The following DNAH5 variants were observed in gnomAD, a reference collection of about 807,000 sequenced individuals.
The protein encoded by DNAH5 is axonemal beta dynein heavy chain 5.
DNAH5 carries 372 observed loss-of-function variants against 518.2 expected under a neutral mutation model. That is an observed-to-expected ratio of 0.72 (90% CI 0.66 to 0.78). The LOEUF (loss-of-function observed/expected upper bound fraction) is 0.78. DNAH5 is among the 30% of genes least tolerant of loss of function. The pLI is 0.00. For missense variants in DNAH5, 5,523 were observed against 5,687.0 expected (o/e 0.97, Z 0.93); for synonymous variants, 2,039 against 2,025.9 (o/e 1.01, Z -0.17).
upstream of DNAH5, among the ~76,000 whole-genome samples, chr5:13,949,616 T>C (rs77745931): frequency 0.028 from 4,290 of 152,306 alleles, 90 homozygotes; most frequent in Non-Finnish European, 0.042. Context: ...AGCTGATGCA[T>C]TTAGAGTAAA....
chr5:13,750,185 A>G (rs778617328), intron 65 of DNAH5, among the ~76,000 whole-genome samples: 5 of 152,188 alleles, frequency 3.3e-5, no homozygotes, highest in African/African-American at 4.8e-5. Context: ...ACAGACCCCA[A>G]AGACTTTGCT....
In DNAH5 at chr5:13,867,787, A is replaced by G; in HGVS notation, c.4040T>C (p.Leu1347Pro). ...VFLQDCHQFY[L>P]DYDLNGPMAS... Reference sequence around the variant, plus strand: ...CCAGAGACATACCAAATCATAGTCCAGATAAAACTGGTGACAATCTTGGAG... The same window carrying G: ...CCAGAGACATACCAAATCATAGTCCGGATAAAACTGGTGACAATCTTGGAG... Residue 1347 changes from leucine to proline, a missense_variant, in exon 25 of 79, where the codon CTG becomes CCG. Leu to Pro is a moderately conservative substitution (Grantham distance 98, BLOSUM62 -3). Transcript: ENST00000265104. 2 of 1,613,758 alleles carry G rather than the reference A, an allele frequency of 1.2e-6. No homozygotes were observed. Among genetic ancestry groups the G allele is most frequent in the African/African-American group, 1.3e-5 (1 of 75,042 alleles).
At chr5:13,740,082 GC>G in intron 65 of DNAH5, among the ~76,000 whole-genome samples, 1 of 152,050 alleles carries the variant, frequency 6.6e-6, no homozygotes, top group South Asian at 2.1e-4. Flanking sequence ...AGATGCTCTG[GC>G]CAAAACCTTT....
At chr5:13,735,418 G>T in intron 67 of DNAH5, 97 bp from the exon 68 acceptor site, 2 of 1,198,286 alleles carry the variant, frequency 1.7e-6, no homozygotes. Context: ...AACTTTGGAG[G>T]AAGAATTCTT....
At chr5:13,844,790 G>T (rs199781321) in intron 32 of DNAH5, 47 bp downstream of exon 32, 4 of 1,612,610 alleles carry the variant, frequency 2.5e-6, no homozygotes, top group Admixed American at 3.3e-5. Flanking sequence ...GACAGTTGAG[G>T]TTCGAAGGTA....
intron 2 of DNAH5, among the ~76,000 whole-genome samples, chr5:13,928,790 A>G (rs1310366595): frequency 6.6e-6 from 1 of 152,174 alleles, no homozygotes; most frequent in Non-Finnish European, 1.5e-5. Context: ...AAAAAGATAA[A>G]ATCCACACAC....
At chr5:13,736,930 C>CA (rs974310032) in intron 66 of DNAH5, among the ~76,000 whole-genome samples, 2 of 152,150 alleles carry the variant, frequency 1.3e-5, no homozygotes, top group Non-Finnish European at 2.9e-5. Flanking sequence ...ATAACTGGTG[C>CA]ACTAATTCCT....
chr5:13,939,212 A>G (rs1425072687), intron 1 of DNAH5, among the ~76,000 whole-genome samples: 1 of 152,208 alleles, frequency 6.6e-6, no homozygotes, highest in Non-Finnish European at 1.5e-5. Context: ...ATATCTCTAA[A>G]TAATTTTAAA....
intron 74 of DNAH5, among the ~76,000 whole-genome samples, chr5:13,715,099 A>C (rs971057913): frequency 1.1e-4 from 17 of 152,238 alleles, no homozygotes; most frequent in South Asian, 2.1e-4. Context: ...AGACTAGGAA[A>C]AGAGAGAAAC....
intron 40 of DNAH5, among the ~76,000 whole-genome samples, chr5:13,820,980 G>T (rs1332792321): frequency 1.3e-5 from 2 of 152,180 alleles, no homozygotes; most frequent in East Asian, 3.9e-4. Flanking sequence ...AAGATGGATG[G>T]TGGTGATAAC....
At chr5:13,935,294 A>C (rs929730899) in intron 1 of DNAH5, among the ~76,000 whole-genome samples, 4 of 152,178 alleles carry the variant, frequency 2.6e-5, no homozygotes, top group Admixed American at 2.0e-4. Context: ...ATTGTTTCTG[A>C]TTCCAGAGAA....
At chr5:14,008,644 GAAAAAC>G (rs1303471512) in intron 1 of DNAH5, among the ~76,000 whole-genome samples, 1 of 150,820 alleles carries the variant, frequency 6.6e-6, no homozygotes, top group Non-Finnish European at 1.5e-5. Flanking sequence ...AAAAAAAAAA[GAAAAAC>G]AAAAACAAAA....
intron 55 of DNAH5, among the ~76,000 whole-genome samples, chr5:13,775,829 G>C (rs1381463687): frequency 6.6e-6 from 1 of 152,016 alleles, no homozygotes; most frequent in African/African-American, 2.4e-5. Flanking sequence ...GGAAAATAAG[G>C]CTCTTCTGCA....
At chr5:13,785,771 C>T (rs571706047) in intron 52 of DNAH5, among the ~76,000 whole-genome samples, 1 of 152,252 alleles carries the variant, frequency 6.6e-6, no homozygotes, top group Admixed American at 6.5e-5. Flanking sequence ...CAGTATTTAC[C>T]CTTCTGAGTC....
At position 13,810,230 on chromosome 5, in the gene DNAH5, G is replaced by A. The variant is rs1183597922; in HGVS notation, c.7438C>T (p.Leu2480=). 4 of 1,550,662 alleles carry A rather than the reference G, an allele frequency of 2.6e-6. No individual in the cohort carries two copies. Among genetic ancestry groups the A allele is most frequent in the Non-Finnish European group, 1.7e-6 (2 of 1,146,954 alleles). Residue 2480 remains leucine (L), a synonymous_variant, in exon 45 of 79, where the codon CTG becomes TTG. Coordinates refer to ENST00000265104, the MANE Select transcript of DNAH5 (RefSeq NM_001369.3). ...EQGGEVSQAH[L]GRLFVFALLW... ...AGCGCGAACACGAACAGCCGCCCCA[G>A]GTGAGCCTGGCTCACCTCCCCGCCT...
At chr5:13,784,425 T>C (rs1755653510) in intron 52 of DNAH5, among the ~76,000 whole-genome samples, 1 of 152,208 alleles carries the variant, frequency 6.6e-6, no homozygotes, top group Non-Finnish European at 1.5e-5. Context: ...CCTCAGATTC[T>C]GAGAATCCAC....
At chr5:13,722,106 G>A (rs1401523029) in intron 70 of DNAH5, among the ~76,000 whole-genome samples, 5 of 152,182 alleles carry the variant, frequency 3.3e-5, no homozygotes, top group African/African-American at 7.2e-5. Flanking sequence ...TAACTTAGGC[G>A]TGGGTGCAAC....
chr5:13,696,955 T>C lies in DNAH5; in HGVS notation c.13723+3685A>G, dbSNP rs531982742. ...CAGCAGGGTGGGTATAGTTCTTCTA[T>C]AAAAATCTGTTCTTAAATCATAAAG... On this transcript the variant is annotated intron_variant, in intron 78 of 78. Coordinates refer to ENST00000265104, the MANE Select transcript of DNAH5 (RefSeq NM_001369.3). 7.9e-5 allele frequency among the ~76,000 whole-genome samples: 12 copies of C among 152,330 alleles called. No individual in the cohort carries two copies. The South Asian group carries it at 2.5e-3, about 32-fold the overall frequency.
intron 1 of DNAH5, among the ~76,000 whole-genome samples, chr5:13,935,184 A>AT (rs1248766680): frequency 2.6e-5 from 4 of 152,180 alleles, no homozygotes; most frequent in Non-Finnish European, 2.9e-5. Context: ...GAGCACAGAG[A>AT]TTTAAAAAAG....
Sources: allele counts gnomAD v4.1 joint callset (sites outside exome capture counted in the v4.1 genomes callset), GRCh38; gene constraint gnomAD v4.1.1; transcripts MANE v1.5; gene names NCBI Gene and HGNC (gene_info 2026-07-23, HGNC 2026-07-21).